Variants in XYLT1 observed in about 807,000 individuals in gnomAD.
XYLT1 encodes xylosyltransferase 1.
XYLT1 carries 36 observed loss-of-function variants against 91.3 expected under a neutral mutation model. That is an observed-to-expected ratio of 0.39 (90% CI 0.30 to 0.52). The LOEUF (loss-of-function observed/expected upper bound fraction) is 0.52, where lower values mean the gene tolerates loss of function less well. XYLT1 is among the 20% of genes least tolerant of loss of function. XYLT1 has a pLI of 0.68. For synonymous variants in XYLT1, 588 were observed against 532.0 expected (o/e 1.11, Z -1.45); for missense variants, 1,242 against 1,284.5 (o/e 0.97, Z 0.51).
At chr16:17,239,200 T>TCATC (rs879743425) in intron 3 of XYLT1, among the ~76,000 whole-genome samples, 2 of 145,136 alleles carry the variant, frequency 1.4e-5, no homozygotes, top group African/African-American at 5.0e-5. Context: ...CCCCTGTAAT[T>TCATC]CATCCATCCA....
intron 2 of XYLT1, among the ~76,000 whole-genome samples, chr16:17,297,822 C>T (rs571103877): frequency 1.6e-4 from 25 of 152,164 alleles, no homozygotes; most frequent in African/African-American, 5.8e-4. Context: ...GAGATCGAGA[C>T]CATCCTGGCT....
intron 1 of XYLT1, among the ~76,000 whole-genome samples, chr16:17,433,923 T>C (rs1035093948): frequency 3.3e-5 from 5 of 152,068 alleles, no homozygotes; most frequent in Admixed American, 3.3e-4. Context: ...CAAGGCTGGA[T>C]AAGCTTATCA....
At chr16:17,342,626 G>A (rs1217947272) in intron 2 of XYLT1, among the ~76,000 whole-genome samples, 1 of 152,130 alleles carries the variant, frequency 6.6e-6, no homozygotes, top group Admixed American at 6.5e-5. Context: ...GGAGGCTGAG[G>A]CAGGAGAATC....
Position 17,167,535 on chromosome 16 carries a change from C to T in XYLT1, c.1290-8626G>A, listed in dbSNP as rs1445282549. The stretch of plus-strand genomic sequence containing the variant: ...TGGGTTCTAACCCATCCTTCCATCT[C>T]GTGAACGGATTCTAACCCATCCTTC... On this transcript the variant is annotated intron_variant, in intron 5 of 11. Transcript: ENST00000261381. Among the ~76,000 whole-genome samples the T allele has an allele frequency of 2.0e-5, 3 of 150,988 alleles. No individual in the cohort carries two copies. In the East Asian group the frequency reaches 5.9e-4, roughly 30 times the overall value.
intron 2 of XYLT1, among the ~76,000 whole-genome samples, chr16:17,357,734 C>T (rs1286316700): frequency 1.3e-5 from 2 of 152,228 alleles, no homozygotes; most frequent in Non-Finnish European, 1.5e-5. Flanking sequence ...GAGCGAAGGA[C>T]AGACGAAAAC....
chr16:17,228,764 C>T (rs2033112076), intron 3 of XYLT1, among the ~76,000 whole-genome samples: 1 of 152,172 alleles, frequency 6.6e-6, no homozygotes, highest in South Asian at 2.1e-4. Context: ...ATAGGAACAA[C>T]AATCATTTTT....
intron 3 of XYLT1, among the ~76,000 whole-genome samples, chr16:17,219,370 A>C (rs1368084756): frequency 1.3e-5 from 2 of 151,958 alleles, no homozygotes; most frequent in East Asian, 1.9e-4. Context: ...AGGGCTGCAC[A>C]CTGGACCAGA....
At chr16:17,392,564 A>T (rs2035833437) in intron 1 of XYLT1, among the ~76,000 whole-genome samples, 1 of 152,162 alleles carries the variant, frequency 6.6e-6, no homozygotes, top group East Asian at 1.9e-4. Flanking sequence ...TGAATGAATA[A>T]ACGACCATCG....
At chr16:17,299,212 A>G (rs1466400931) in intron 2 of XYLT1, among the ~76,000 whole-genome samples, 1 of 152,148 alleles carries the variant, frequency 6.6e-6, no homozygotes, top group East Asian at 1.9e-4. Context: ...GCAGACGGGA[A>G]ATGCACGTGG....
chr16:17,267,584 AT>A (rs1436543967), intron 2 of XYLT1, among the ~76,000 whole-genome samples: 4 of 151,720 alleles, frequency 2.6e-5, no homozygotes, highest in African/African-American at 9.7e-5. Context: ...TATTTTTTGT[AT>A]TTTTTAGTAG....
intron 1 of XYLT1, among the ~76,000 whole-genome samples, chr16:17,455,582 CTAAA>C (rs71137993): frequency 0.31 from 44,723 of 143,932 alleles, 8,252 homozygotes; most frequent in East Asian, 0.47. Flanking sequence ...GACTCCATCT[CTAAA>C]TAAATAAATA....
intron 7 of XYLT1, among the ~76,000 whole-genome samples, chr16:17,139,357 G>A (rs527650860): frequency 6.6e-6 from 1 of 152,304 alleles, no homozygotes; most frequent in Non-Finnish European, 1.5e-5. Flanking sequence ...TCTGGGAGAA[G>A]GGAGGGAAGG....
At chr16:17,237,816 G>A (rs2033272226) in intron 3 of XYLT1, among the ~76,000 whole-genome samples, 2 of 152,212 alleles carry the variant, frequency 1.3e-5, no homozygotes. Context: ...TTCCAAGCAA[G>A]TTAGCTGAGA....
chr16:17,373,701 T>C (rs972528698), intron 1 of XYLT1, among the ~76,000 whole-genome samples: 2 of 152,228 alleles, frequency 1.3e-5, no homozygotes, highest in Non-Finnish European at 2.9e-5. Context: ...TAGCCTCTAT[T>C]TACAGATGAG....
Position 17,466,918 on chromosome 16 carries a change from A to T in XYLT1, c.363+3516T>A, listed in dbSNP as rs574445244. ...AAAAAAAACGAACCATCAATAACAT[A>T]CCCTGTTTTCTGTGGTCTCAGAACA... On this transcript the variant is annotated intron_variant, in intron 1 of 11. Coordinates refer to ENST00000261381, the MANE Select transcript of XYLT1 (RefSeq NM_022166.4). Among the ~76,000 whole-genome samples, 47 of 152,182 alleles carry T rather than the reference A, an allele frequency of 3.1e-4. 1 individual carries two copies. The South Asian group carries it at 8.9e-3, about 29-fold the overall frequency.
At chr16:17,470,365 G>C (rs1275987707) in intron 1 of XYLT1, 69 bp downstream of exon 1, 2 of 1,205,470 alleles carry the variant, frequency 1.7e-6, no homozygotes, top group Admixed American at 8.8e-5. Context: ...TCAAGGGCTA[G>C]GGGGGCGTGG....
At chr16:17,422,571 G>A (rs1457912790) in intron 1 of XYLT1, among the ~76,000 whole-genome samples, 2 of 151,984 alleles carry the variant, frequency 1.3e-5, no homozygotes, top group Non-Finnish European at 2.9e-5. Context: ...GTGCAGTAGT[G>A]CGATCTTGGC....
chr16:17,207,002 C>T lies in XYLT1; in HGVS notation c.914-6348G>A, dbSNP rs1452976114. Among the ~76,000 whole-genome samples, 5 of 151,636 alleles carry T rather than the reference C, an allele frequency of 3.3e-5. No homozygotes were observed. The East Asian group carries it at 9.7e-4, about 29-fold the overall frequency. On this transcript the variant is annotated intron_variant, in intron 3 of 11. Transcript: ENST00000261381. ...AACCCGATCCAGGAGTTAGCATTGC[C>T]ACATAGAGAACTGTACTCCCTTGAG...
intron 1 of XYLT1, among the ~76,000 whole-genome samples, chr16:17,456,782 GACTGC>G (rs1202050084): frequency 1.3e-5 from 2 of 152,118 alleles, no homozygotes; most frequent in Non-Finnish European, 2.9e-5. Context: ...TCTTCTCTGT[GACTGC>G]AGGTGATTTC....
Sources: allele counts gnomAD v4.1 joint callset (sites outside exome capture counted in the v4.1 genomes callset), GRCh38; gene constraint gnomAD v4.1.1; transcripts MANE v1.5; gene names NCBI Gene and HGNC (gene_info 2026-07-23, HGNC 2026-07-21).